Variants in TDRD7 observed in about 807,000 individuals in gnomAD.
The protein encoded by TDRD7 is tudor domain containing 7.
Under a neutral mutation model 109.8 loss-of-function variants are expected in TDRD7, and 47 were observed. The observed-to-expected ratio is 0.43, with a 90% confidence interval of 0.34 to 0.55. The LOEUF is 0.55. TDRD7 is among the 20% of genes least tolerant of loss of function. The pLI is 0.03. For synonymous variants in TDRD7, 424 were observed against 457.3 expected, an observed-to-expected ratio of 0.93 and a Z score of 0.93; for missense variants, 1,164 against 1,319.2, an observed-to-expected ratio of 0.88 and a Z score of 1.82.
rs1435658973 is a variant in TDRD7, at chr9:97,460,590, A to G, written c.1268A>G (p.Asp423Gly). Residue 423 changes from aspartate to glycine, a missense_variant, in exon 7 of 17, where the codon GAT (aspartate) becomes GGT (glycine). Asp to Gly is a moderately conservative substitution (Grantham distance 94, BLOSUM62 -1). Around this residue, in one of 5 missense-constraint regions of TDRD7, gnomAD observed 407 missense variants for 394.0 expected, o/e 1.03. Coordinates refer to ENST00000355295, the MANE Select transcript of TDRD7 (RefSeq NM_014290.3). ...IQKDAGQAHG[D>G]NDIKAMVEQE... ...AAGGATGCAGGGCAAGCACATGGTGATAATGATATCAAGGCTATGGTTGAA... is the reference window on the plus strand; with the variant it reads ...AAGGATGCAGGGCAAGCACATGGTGGTAATGATATCAAGGCTATGGTTGAA... The G allele has an allele frequency of 8.1e-6, 13 of 1,614,228 alleles. No homozygotes were observed. Among genetic ancestry groups the G allele is most frequent in the Non-Finnish European group, 1.0e-5 (12 of 1,180,042 alleles).
intron 1 of TDRD7, among the ~76,000 whole-genome samples, chr9:97,413,598 G>A (rs1827761149): frequency 6.6e-6 from 1 of 152,202 alleles, no homozygotes; most frequent in Non-Finnish European, 1.5e-5. Flanking sequence ...GGCACATGGT[G>A]GATATTTTTG....
intron 13 of TDRD7, among the ~76,000 whole-genome samples, chr9:97,478,895 A>G (rs1336550121): frequency 1.3e-5 from 2 of 151,990 alleles, no homozygotes; most frequent in African/African-American, 2.4e-5. Flanking sequence ...TTGTGTATAA[A>G]TGTTTATTTT....
chr9:97,428,761 C>T, intron 2 of TDRD7, 89 bp downstream of exon 2: 1 of 1,261,580 alleles, frequency 7.9e-7, no homozygotes, highest in African/African-American at 1.5e-5. Context: ...TGATAGACGT[C>T]TAAGTGAAAG....
At chr9:97,491,187 C>A (rs928723428) in intron 16 of TDRD7, among the ~76,000 whole-genome samples, 5 of 152,202 alleles carry the variant, frequency 3.3e-5, no homozygotes, top group African/African-American at 1.2e-4. Context: ...CCCACCTTGG[C>A]CTCCAAAGTG....
At chr9:97,452,465 G>A (rs1312240357) in intron 6 of TDRD7, among the ~76,000 whole-genome samples, 1 of 152,176 alleles carries the variant, frequency 6.6e-6, no homozygotes, top group African/African-American at 2.4e-5. Context: ...ATAACTAACT[G>A]TTTTGAGATA....
Position 97,483,253 on chromosome 9 carries a change from A to G in TDRD7, c.2817A>G (p.Glu939=). The part of the protein sequence containing the change: ...IQPWQEIHKL[E]VLMEEMILYY... ...CTTGGCAGGAGATACATAAGTTGGA[A>G]GTTCTGATGGAAGAGATGATTCTAT... Residue 939 remains glutamate (E), a synonymous_variant, in exon 15 of 17, where the codon GAA becomes GAG. Coordinates refer to ENST00000355295, the MANE Select transcript of TDRD7 (RefSeq NM_014290.3). 6.2e-7 allele frequency: 1 copy of G among 1,613,654 alleles called. No homozygotes were observed. The highest frequency in any genetic ancestry group is 8.5e-7 in the Non-Finnish European group (1 of 1,179,714).
At chr9:97,442,423 A>G (rs545100015) in intron 6 of TDRD7, among the ~76,000 whole-genome samples, 1 of 152,320 alleles carries the variant, frequency 6.6e-6, no homozygotes, top group South Asian at 2.1e-4. Context: ...AAATTTAAAA[A>G]TGATTTATCA....
At chr9:97,427,241 T>C (rs1324059651) in intron 1 of TDRD7, among the ~76,000 whole-genome samples, 3 of 152,318 alleles carry the variant, frequency 2.0e-5, no homozygotes, top group Non-Finnish European at 2.9e-5. Context: ...ATCTCCTGAA[T>C]TTGTCTTTTT....
At chr9:97,463,973 G>A (rs1023996936) in intron 7 of TDRD7, among the ~76,000 whole-genome samples, 4 of 152,128 alleles carry the variant, frequency 2.6e-5, no homozygotes, top group Admixed American at 1.3e-4. Context: ...GGGTGTCAAC[G>A]TTGTGTTTAG....
At position 97,483,009 on chromosome 9, in the gene TDRD7, A is replaced by T; in HGVS notation, c.2573A>T (p.Asp858Val). Residue 858 changes from aspartate to valine, a missense_variant, in exon 15 of 17, where the codon GAC becomes GTC. Asp to Val is a radical substitution (Grantham distance 152). Transcript: ENST00000355295. Reference sequence around the variant, plus strand: ...TTGAGTGCCATATCCAGTGGAGCTGACTCTCCCAACAGCAAAAATGGCAAC... The same window carrying T: ...TTGAGTGCCATATCCAGTGGAGCTGTCTCTCCCAACAGCAAAAATGGCAAC... ...VFLSAISSGA[D>V]SPNSKNGNMP... 1 of 1,614,130 alleles carries T rather than the reference A, an allele frequency of 6.2e-7. No homozygotes were observed. The highest frequency in any genetic ancestry group is 1.1e-5 in the South Asian group (1 of 91,084).
chr9:97,413,196 G>T (rs728210), intron 1 of TDRD7, among the ~76,000 whole-genome samples: 1 of 152,012 alleles, frequency 6.6e-6, no homozygotes. Flanking sequence ...TAGAGAGATA[G>T]GCAACAGCTT....
intron 6 of TDRD7, among the ~76,000 whole-genome samples, chr9:97,454,480 C>T (rs568040727): frequency 2.0e-5 from 3 of 151,954 alleles, no homozygotes; most frequent in African/African-American, 7.2e-5. Flanking sequence ...GACTCCGTCA[C>T]AATAAAAGAG....
At position 97,473,516 on chromosome 9, in the gene TDRD7, A is replaced by C. The variant is rs1828957442; in HGVS notation, c.1969A>C (p.Lys657Gln). 6.2e-7 allele frequency: 1 copy of C among 1,613,754 alleles called. No homozygotes were observed. Among genetic ancestry groups the C allele is most frequent in the Non-Finnish European group, 8.5e-7 (1 of 1,179,714 alleles). ...GGTTGACGCCATGTACACAAATGTCAAAGTAACTAATATTTGCTCTGATGG... is the reference window on the plus strand; with the variant it reads ...GGTTGACGCCATGTACACAAATGTCCAAGTAACTAATATTTGCTCTGATGG... Reference protein sequence around the residue: ...LQVDAMYTNVKVTNICSDGTL... With the variant: ...LQVDAMYTNVQVTNICSDGTL... The change falls in exon 11 of 17, where the codon AAA (lysine) becomes CAA (glutamine). Residue 657 changes from lysine to glutamine, a missense_variant. Physicochemically the swap from Lys to Gln is moderately conservative, Grantham distance 53 (BLOSUM62 1). This residue lies in a region of TDRD7 where 261 missense variants were observed against 336.2 expected (regional missense o/e 0.78). Coordinates refer to ENST00000355295, the MANE Select transcript of TDRD7 (RefSeq NM_014290.3).
intron 16 of TDRD7, among the ~76,000 whole-genome samples, chr9:97,494,407 C>A (rs539052512): frequency 2.0e-5 from 3 of 152,234 alleles, no homozygotes; most frequent in African/African-American, 4.8e-5. Flanking sequence ...AGAAAGGGAG[C>A]CATACTGTGG....
chr9:97,454,238 T>C (rs1029662185), intron 6 of TDRD7, among the ~76,000 whole-genome samples: 21 of 152,202 alleles, frequency 1.4e-4, no homozygotes, highest in African/African-American at 5.1e-4. Context: ...CCCAGCACTT[T>C]GGGAGGCTGA....
Position 97,483,283 on chromosome 9 carries a change from C to T in TDRD7, c.2847C>T (p.Tyr949=). 1.2e-6 allele frequency: 2 copies of T among 1,614,088 alleles called. No homozygotes were observed. Among genetic ancestry groups the T allele is most frequent in the Non-Finnish European group, 1.7e-6 (2 of 1,180,012 alleles). Residue 949 remains tyrosine (Y), a synonymous_variant, in exon 15 of 17, where the codon TAC becomes TAT. Coordinates refer to ENST00000355295, the MANE Select transcript of TDRD7 (RefSeq NM_014290.3). ...EVLMEEMILY[Y]SVSEERHIAV... The stretch of plus-strand genomic sequence containing the variant: ...TGATGGAAGAGATGATTCTATATTA[C>T]AGCGTGTCTGAAGAGCGCCACATAG...
At chr9:97,437,326 C>T (rs576491866) in intron 4 of TDRD7, among the ~76,000 whole-genome samples, 1 of 152,292 alleles carries the variant, frequency 6.6e-6, no homozygotes, top group Non-Finnish European at 1.5e-5. Context: ...TGGTTATTGG[C>T]ACAGTGTACT....
Position 97,457,464 on chromosome 9 carries a change from T to C in TDRD7, c.856-2714T>C, listed in dbSNP as rs113533339. On this transcript the variant is annotated intron_variant, in intron 6 of 16. Coordinates refer to ENST00000355295, the MANE Select transcript of TDRD7 (RefSeq NM_014290.3). Reference sequence around the variant, plus strand: ...CATGATCTTGGCTCACTGCAACCTCTGCCTCCCGGGTTCAAGTGATTCTCT... The same window carrying C: ...CATGATCTTGGCTCACTGCAACCTCCGCCTCCCGGGTTCAAGTGATTCTCT... 8.3e-3 allele frequency among the ~76,000 whole-genome samples: 1,256 copies of C among 152,196 alleles called. 44 individuals are homozygous for C. In the East Asian group the frequency reaches 0.11, roughly 13 times the overall value.
rs1175801410 is a variant in TDRD7 at position 97,472,276 on chromosome 9, G to T, written c.1742-17G>T. The T allele has an allele frequency of 5.6e-6, 9 of 1,607,410 alleles. No homozygotes were observed. Among genetic ancestry groups the T allele is most frequent in the South Asian group, 2.2e-5 (2 of 90,872 alleles). On this transcript the variant is annotated splice_polypyrimidine_tract_variant and intron_variant, in intron 9 of 16. Coordinates refer to ENST00000355295, the MANE Select transcript of TDRD7 (RefSeq NM_014290.3). Reference sequence around the variant, plus strand: ...TTTTCTAATTAAGTAGAAATTAAAAGATTCAATATTTTTCAGGCTTGGAAG... The same window carrying T: ...TTTTCTAATTAAGTAGAAATTAAAATATTCAATATTTTTCAGGCTTGGAAG...
Sources: allele counts gnomAD v4.1 joint callset (sites outside exome capture counted in the v4.1 genomes callset), GRCh38; gene constraint gnomAD v4.1.1; regional missense constraint gnomAD v4.1.1; transcripts MANE v1.5; gene names NCBI Gene and HGNC (gene_info 2026-07-23, HGNC 2026-07-21).